The following INSR variants were observed in gnomAD, a reference collection of about 807,000 sequenced individuals.
INSR encodes insulin receptor.
Under a neutral mutation model 142.6 loss-of-function variants are expected in INSR, and 67 were observed. The ratio of observed to expected loss-of-function variants is 0.47; its 90% CI spans 0.39 to 0.58. The LOEUF (loss-of-function observed/expected upper bound fraction) is 0.58, where lower values mean the gene tolerates loss of function less well. Ranked by LOEUF, INSR falls within the 20% of genes least tolerant of loss-of-function variation. The pLI is 0.00. For missense variants in INSR, 1,248 were observed against 1,833.2 expected, an observed-to-expected ratio of 0.68 and a Z score of 5.83; for synonymous variants, 756 against 743.1, an observed-to-expected ratio of 1.02 and a Z score of -0.28.
At chr19:7,202,894 C>T (rs1413404122) in intron 2 of INSR, among the ~76,000 whole-genome samples, 2 of 151,890 alleles carry the variant, frequency 1.3e-5, no homozygotes, top group African/African-American at 4.8e-5. Context: ...TTCAGTTAAG[C>T]TTTTAAAAAT....
chr19:7,152,453 G>T, intron 10 of INSR: 1 of 492,136 alleles, frequency 2.0e-6, no homozygotes, highest in Non-Finnish European at 3.7e-6. Flanking sequence ...TGGAACTCAC[G>T]TGGAGACCAG....
intron 9 of INSR, among the ~76,000 whole-genome samples, chr19:7,157,178 C>G (rs1973617196): frequency 6.6e-6 from 1 of 152,124 alleles, no homozygotes; most frequent in African/African-American, 2.4e-5. Context: ...CGGGGTTTGG[C>G]CATGTTGGCC....
In INSR at chr19:7,117,286, C is replaced by T. The variant is rs145697152; in HGVS notation, c.3919G>A (p.Glu1307Lys). ...SFPEVSFFHSEENKAPESEEL... is the reference protein window; with the variant it reads ...SFPEVSFFHSKENKAPESEEL... ...TCACTCTCGGGAGCCTTGTTCTCCT[C>T]GCTGTGGAAGAACGACACCTCTGGA... Residue 1307 changes from glutamate (E) to lysine (K), a missense_variant, in exon 22 of 22, where the codon GAG (glutamate) becomes AAG (lysine). Transcript: ENST00000302850. 3.7e-5 allele frequency: 59 copies of T among 1,614,222 alleles called. No homozygotes were observed. The highest frequency in any genetic ancestry group is 5.5e-5 in the South Asian group (5 of 91,090).
At chr19:7,142,220 T>C (rs1973086479) in intron 12 of INSR, among the ~76,000 whole-genome samples, 2 of 151,246 alleles carry the variant, frequency 1.3e-5, no homozygotes. Flanking sequence ...CTGGGCAACA[T>C]GGTGGAACCA....
chr19:7,263,327 C>T (rs1977122711), intron 2 of INSR, among the ~76,000 whole-genome samples: 1 of 151,894 alleles, frequency 6.6e-6, no homozygotes, highest in Non-Finnish European at 1.5e-5. Flanking sequence ...TGTATTTTAT[C>T]ACAATACAAG....
chr19:7,148,473 T>A (rs1358775173), intron 11 of INSR, among the ~76,000 whole-genome samples: 2 of 92,194 alleles, frequency 2.2e-5, no homozygotes, highest in African/African-American at 8.3e-5. Flanking sequence ...ATTATGTATT[T>A]ATTCTTTTTT....
chr19:7,249,437 G>T (rs1976637984), intron 2 of INSR, among the ~76,000 whole-genome samples: 1 of 152,078 alleles, frequency 6.6e-6, no homozygotes, highest in African/African-American at 2.4e-5. Context: ...TCTGTGCCCT[G>T]TTTGTCAGAC....
chr19:7,245,036 C>A (rs377161630), intron 2 of INSR, among the ~76,000 whole-genome samples: 3 of 149,890 alleles, frequency 2.0e-5, no homozygotes, highest in African/African-American at 7.3e-5. Flanking sequence ...CCCAAGTTCA[C>A]GCCATTCTCC....
At chr19:7,251,952 G>A (rs896203821) in intron 2 of INSR, among the ~76,000 whole-genome samples, 39 of 152,210 alleles carry the variant, frequency 2.6e-4, no homozygotes, top group African/African-American at 8.4e-4. Flanking sequence ...CTGACCCAGC[G>A]ATTCCACTCC....
At chr19:7,146,276 T>C (rs1973186357) in intron 11 of INSR, among the ~76,000 whole-genome samples, 1 of 147,608 alleles carries the variant, frequency 6.8e-6, no homozygotes, top group Non-Finnish European at 1.5e-5. Flanking sequence ...AGTTTTGCTC[T>C]GTTGCCAGGC....
intron 2 of INSR, among the ~76,000 whole-genome samples, chr19:7,266,797 A>C (rs960982156): frequency 6.6e-6 from 1 of 152,222 alleles, no homozygotes; most frequent in African/African-American, 2.4e-5. Flanking sequence ...ACTCTCGGCG[A>C]CATGCGTTGT....
Position 7,152,841 on chromosome 19 carries a change from C to T in INSR, c.2116G>A (p.Ala706Thr). The T allele has an allele frequency of 6.2e-7, 1 of 1,613,462 alleles. No individual in the cohort carries two copies. The highest frequency in any genetic ancestry group is 8.5e-7 in the Non-Finnish European group (1 of 1,179,930). ...KHNQSEYEDS[A>T]GECCSCPKTD... Reference sequence around the variant, plus strand: ...TTTGGACAGGAGCAGCATTCGCCGGCCGAATCCTCATACTCACTCTGGTTG... The same window carrying T: ...TTTGGACAGGAGCAGCATTCGCCGGTCGAATCCTCATACTCACTCTGGTTG... Residue 706 changes from alanine (A) to threonine (T), a missense_variant, in exon 10 of 22, where the codon GCC becomes ACC. This residue lies in a region of INSR where 1,069 missense variants were observed against 1,654.0 expected (regional missense o/e 0.65). Transcript: ENST00000302850.
intron 2 of INSR, among the ~76,000 whole-genome samples, chr19:7,262,429 A>C (rs1977092323): frequency 1.3e-5 from 2 of 152,168 alleles, no homozygotes; most frequent in African/African-American, 4.8e-5. Context: ...CTGAGATCGC[A>C]CCATTGCAAT....
At chr19:7,230,521 C>T (rs985058025) in intron 2 of INSR, among the ~76,000 whole-genome samples, 1 of 152,088 alleles carries the variant, frequency 6.6e-6, no homozygotes, top group Non-Finnish European at 1.5e-5. Flanking sequence ...AGAAATATTA[C>T]CTTGGCTGGG....
At chr19:7,251,718 T>A (rs1406185889) in intron 2 of INSR, among the ~76,000 whole-genome samples, 1 of 152,012 alleles carries the variant, frequency 6.6e-6, no homozygotes, top group East Asian at 1.9e-4. Context: ...GTCCGTGGCA[T>A]GGCTTTTGGA....
At position 7,119,897 on chromosome 19, in the gene INSR, TAC is replaced by T. The variant is rs979615479; in HGVS notation, c.3660-316_3660-315del. ...ACACAAACACACATATGCACACACA[TAC>T]ACACACAAACACACACACAAACACA... On this transcript the variant is annotated intron_variant, in intron 20 of 21. Coordinates refer to ENST00000302850, the MANE Select transcript of INSR (RefSeq NM_000208.4). The surrounding 1 kb of genome is among the most constrained non-coding windows in gnomAD (Gnocchi z 5.2). Among the ~76,000 whole-genome samples the T allele has an allele frequency of 6.6e-6, 1 of 151,150 alleles. No individual in the cohort carries two copies. Among genetic ancestry groups the T allele is most frequent in the Non-Finnish European group, 1.5e-5 (1 of 67,800 alleles).
rs778410724 is a variant in INSR, at chr19:7,267,460, G to A, written c.537C>T (p.Asn179=). 1.2e-5 allele frequency: 20 copies of A among 1,613,900 alleles called. No individual in the cohort carries two copies. Among genetic ancestry groups the A allele is most frequent in the Middle Eastern group, 1.6e-4 (1 of 6,084 alleles). The change falls in exon 2 of 22, where the codon AAC becomes AAT. Residue 179 remains asparagine, a synonymous_variant. Transcript: ENST00000302850. The surrounding 1 kb of genome is among the most constrained non-coding windows in gnomAD (Gnocchi z 6.3). ...CCGGACAGATGTCTCCACACTCCTC[G>A]TTGTCATCTTTGTTCAACACGATGT... The part of the protein sequence containing the change: ...DNYIVLNKDD[N]EECGDICPGT...
At chr19:7,165,955 G>C (rs1973878588) in intron 8 of INSR, among the ~76,000 whole-genome samples, 199 bp downstream of exon 8, 2 of 151,190 alleles carry the variant, frequency 1.3e-5, no homozygotes, top group South Asian at 4.2e-4. Flanking sequence ...CTTGAGCCCA[G>C]GAGTTTGAGG....
rs530892644 is a variant in INSR, at chr19:7,113,067, T to G, written c.*3989A>C. The G allele has an allele frequency of 6.6e-6, 1 of 152,282 alleles. No homozygotes were observed. Among genetic ancestry groups the G allele is most frequent in the African/African-American group, 2.4e-5 (1 of 41,550 alleles). 9.4% of individuals were successfully genotyped at this position (152,282 alleles called of 1,614,324 possible). A position where few individuals can be genotyped will look rare whatever the true frequency, so the allele number is the denominator to read the frequency against. The stretch of plus-strand genomic sequence containing the variant: ...GTGTCAAGGACTCACCAGGTGACAT[T>G]CAAAGGACATTTAACCCTAAACTTC... On this transcript the variant is annotated 3_prime_UTR_variant, in exon 22 of 22. Transcript: ENST00000302850.
Sources: gnomAD v4.1 joint callset for allele counts (sites outside exome capture counted in the v4.1 genomes callset) on GRCh38, gnomAD v4.1.1 for gene constraint, gnomAD v4.1.1 regional missense constraint, Gnocchi (gnomAD v3.1) non-coding constraint, MANE v1.5 for transcripts, NCBI Gene and HGNC (gene_info 2026-07-23, HGNC 2026-07-21) for gene names.